TMPRSS15: variants seen among roughly 807,000 people sequenced by gnomAD.
TMPRSS15 encodes the protein transmembrane serine protease 15, also known as enteropeptidase.
TMPRSS15 carries 128 observed loss-of-function variants against 125.3 expected under a neutral mutation model. That is an observed-to-expected ratio of 1.02 (90% CI 0.89 to 1.18). The LOEUF is 1.18. Among genes scored for constraint, TMPRSS15 ranks in the 50% most tolerant of loss-of-function variants. The probability of loss-of-function intolerance (pLI) is 0.00; values close to 1 mark genes in which losing one functional copy is unlikely to be tolerated. For synonymous variants in TMPRSS15, 446 were observed against 423.2 expected, an observed-to-expected ratio of 1.05 and a Z score of -0.66; for missense variants, 1,283 against 1,212.7, an observed-to-expected ratio of 1.06 and a Z score of -0.86.
At chr21:18,454,630 G>T (rs572560658) in intron 1 of TMPRSS15, among the ~76,000 whole-genome samples, 2 of 152,158 alleles carry the variant, frequency 1.3e-5, no homozygotes, top group East Asian at 1.9e-4. Flanking sequence ...AGGGGCTGCT[G>T]GTATAAGTGC....
chr21:18,472,336 TC>T lies in TMPRSS15; in HGVS notation c.10+13462del, dbSNP rs1284736078. On this transcript the variant is annotated intron_variant, in intron 1 of 7. Transcript: ENST00000422787. The stretch of plus-strand genomic sequence containing the variant: ...AGCCTGAAATTAAATAAACGTATGT[TC>T]TAAAAATGAACTTCTCCCTTTTAGC... 4.6e-5 allele frequency among the ~76,000 whole-genome samples: 7 copies of T among 151,860 alleles called. No homozygotes were observed. The East Asian group carries it at 1.4e-3, about 29-fold the overall frequency.
intron 14 of TMPRSS15, among the ~76,000 whole-genome samples, chr21:18,331,091 A>G (rs905923683): frequency 6.6e-6 from 1 of 151,032 alleles, no homozygotes; most frequent in East Asian, 1.9e-4. Flanking sequence ...AAAAAAAAAA[A>G]GATGTCTTCA....
intron 3 of TMPRSS15, among the ~76,000 whole-genome samples, chr21:18,392,609 G>A (rs1157695976): frequency 6.6e-6 from 1 of 152,086 alleles, no homozygotes; most frequent in East Asian, 1.9e-4. Flanking sequence ...CAGTTCCAAT[G>A]TCACTTCCAC....
At chr21:18,474,185 C>G (rs1978832678) in intron 1 of TMPRSS15, among the ~76,000 whole-genome samples, 2 of 151,984 alleles carry the variant, frequency 1.3e-5, no homozygotes, top group African/African-American at 4.8e-5. Flanking sequence ...ATATCCATAT[C>G]TCATATCTCC....
chr21:18,278,931 T>TC, intron 23 of TMPRSS15, 33 bp downstream of exon 23: 1 of 877,340 alleles, frequency 1.1e-6, no homozygotes, highest in Admixed American at 2.9e-5. Flanking sequence ...AAGGTTTTTT[T>TC]TTTTTTTTTT....
chr21:18,353,911 A>ATCTC, intron 8 of TMPRSS15, 48 bp from the exon 9 acceptor site: 1 of 1,552,450 alleles, frequency 6.4e-7, no homozygotes, highest in Admixed American at 1.7e-5. Flanking sequence ...CTATCTGTTC[A>ATCTC]TCTCTCTATC....
rs561442636 is a variant in TMPRSS15 at position 18,285,496 on chromosome 21, C to A, written c.2487-4275G>T. Among the ~76,000 whole-genome samples the A allele has an allele frequency of 1.1e-3, 162 of 152,350 alleles. 1 individual carries two copies. Among genetic ancestry groups the A allele is most frequent in the African/African-American group, 3.5e-3 (146 of 41,578 alleles). On this transcript the variant is annotated intron_variant, in intron 21 of 24. Coordinates refer to ENST00000284885, the MANE Select transcript of TMPRSS15 (RefSeq NM_002772.3). ...CCTCAACAACTTTGCACCATGCCAA[C>A]ACTGATGTTTACACCCAGCACAGCA...
chr21:18,327,463 T>TG (rs1220816527), intron 15 of TMPRSS15, among the ~76,000 whole-genome samples: 3 of 152,230 alleles, frequency 2.0e-5, no homozygotes, highest in African/African-American at 7.2e-5. Flanking sequence ...GTTCTATGTG[T>TG]GGCTCCCAAA....
At chr21:18,365,645 T>C (rs2075724733) in intron 6 of TMPRSS15, among the ~76,000 whole-genome samples, 1 of 102,854 alleles carries the variant, frequency 9.7e-6, no homozygotes, top group Non-Finnish European at 2.0e-5. Flanking sequence ...TCTCTCTTTT[T>C]CCTCCCTTCC....
intron 1 of TMPRSS15, among the ~76,000 whole-genome samples, chr21:18,442,961 A>C (rs931521667): frequency 6.6e-6 from 1 of 152,206 alleles, no homozygotes; most frequent in East Asian, 1.9e-4. Context: ...TAGATTAAGA[A>C]CAGGTGATGG....
At chr21:18,380,560 A>G (rs1656161557) in intron 4 of TMPRSS15, 1 of 470,750 alleles carries the variant, frequency 2.1e-6, no homozygotes, top group Admixed American at 2.4e-5. Context: ...TGCAGGGCTT[A>G]CTGTAGAAAA....
intron 11 of TMPRSS15, 116 bp downstream of exon 11, chr21:18,343,839 T>C (rs763065453): frequency 1.3e-5 from 15 of 1,180,626 alleles, no homozygotes; most frequent in Non-Finnish European, 1.8e-5. Context: ...GGAAAAGTAA[T>C]AGTATATGCA....
chr21:18,343,478 A>T, intron 12 of TMPRSS15, 28 bp downstream of exon 12: 1 of 1,551,470 alleles, frequency 6.4e-7, no homozygotes, highest in Non-Finnish European at 8.9e-7. Flanking sequence ...AAAGGATACA[A>T]ATATAAATAA....
chr21:18,314,693 A>T (rs962682795), intron 17 of TMPRSS15, among the ~76,000 whole-genome samples: 1 of 151,680 alleles, frequency 6.6e-6, no homozygotes, highest in Non-Finnish European at 1.5e-5. Flanking sequence ...AAAAGTATCC[A>T]TTACTCATAA....
At chr21:18,352,851 T>C in intron 10 of TMPRSS15, 52 bp downstream of exon 10, 1 of 1,586,202 alleles carries the variant, frequency 6.3e-7, no homozygotes, top group Non-Finnish European at 8.6e-7. Flanking sequence ...ACCTCTTTCC[T>C]TTTGATTTAT....
chr21:18,418,774 A>C (rs2824816), intron 1 of TMPRSS15, among the ~76,000 whole-genome samples: 34,628 of 152,158 alleles, frequency 0.23, 4,297 homozygotes, highest in East Asian at 0.48. Flanking sequence ...CATTGTTAAA[A>C]TTGGAATCTC....
intron 24 of TMPRSS15, among the ~76,000 whole-genome samples, chr21:18,272,776 T>A (rs1041219877): frequency 4.6e-5 from 7 of 152,172 alleles, no homozygotes; most frequent in Non-Finnish European, 1.0e-4. Flanking sequence ...TAAATATTTT[T>A]AAAAATATGC....
At chr21:18,347,496 T>C (rs1321943860) in intron 10 of TMPRSS15, among the ~76,000 whole-genome samples, 1 of 152,112 alleles carries the variant, frequency 6.6e-6, no homozygotes, top group Non-Finnish European at 1.5e-5. Flanking sequence ...CTTGGATGTG[T>C]TGGGATTACA....
chr21:18,483,893 CTG>C (rs1424735519), intron 1 of TMPRSS15, among the ~76,000 whole-genome samples: 1 of 151,870 alleles, frequency 6.6e-6, no homozygotes, highest in African/African-American at 2.4e-5. Context: ...CTTCCAGTAA[CTG>C]AGAATTATGG....
Sources: gnomAD v4.1 joint callset for allele counts (sites outside exome capture counted in the v4.1 genomes callset) on GRCh38, gnomAD v4.1.1 for gene constraint, MANE v1.5 for transcripts, NCBI Gene and HGNC (gene_info 2026-07-23, HGNC 2026-07-21) for gene names.